The following GTF2E2 variants were observed in gnomAD, a reference collection of about 807,000 sequenced individuals.
The protein encoded by GTF2E2 is general transcription factor IIE subunit 2.
GTF2E2 carries 21 observed loss-of-function variants against 40.5 expected under a neutral mutation model. The ratio of observed to expected loss-of-function variants is 0.52; its 90% CI spans 0.37 to 0.75. The LOEUF (loss-of-function observed/expected upper bound fraction) is 0.75. Among genes scored for constraint, GTF2E2 ranks in the 30% least tolerant of loss-of-function variants. The pLI, the probability that GTF2E2 is intolerant of heterozygous loss-of-function variation, is 0.00. For missense variants in GTF2E2, 298 were observed against 338.4 expected (o/e 0.88, Z 0.94); for synonymous variants, 117 against 121.6 (o/e 0.96, Z 0.25).
chr8:30,625,603 C>T (rs1801248692), intron 3 of GTF2E2, among the ~76,000 whole-genome samples: 1 of 151,338 alleles, frequency 6.6e-6, no homozygotes, highest in Middle Eastern at 3.4e-3. Flanking sequence ...GCTGAGGGCA[C>T]TGTCTGTTGT....
chr8:30,653,792 C>T (rs975206670), intron 1 of GTF2E2, among the ~76,000 whole-genome samples, 190 bp from the exon 2 acceptor site: 1 of 152,190 alleles, frequency 6.6e-6, no homozygotes, highest in Admixed American at 6.6e-5. Context: ...ACGCCAAGCA[C>T]TGTACTAGCC....
intron 3 of GTF2E2, among the ~76,000 whole-genome samples, chr8:30,623,429 T>G (rs1187602783): frequency 6.6e-6 from 1 of 152,152 alleles, no homozygotes. Context: ...CCACATTTTC[T>G]TAATCCAGTC....
intron 2 of GTF2E2, among the ~76,000 whole-genome samples, chr8:30,652,691 GA>G (rs1386317712): frequency 1.3e-5 from 2 of 152,100 alleles, no homozygotes; most frequent in Non-Finnish European, 2.9e-5. Context: ...ATATGACCCA[GA>G]AATCTACTTC....
At chr8:30,580,634 G>C (rs1309207002) in intron 6 of GTF2E2, among the ~76,000 whole-genome samples, 3 of 152,144 alleles carry the variant, frequency 2.0e-5, no homozygotes, top group Non-Finnish European at 2.9e-5. Context: ...GCCAGCAAAT[G>C]AGGGCTGCCA....
chr8:30,600,629 G>A (rs1402733475), intron 6 of GTF2E2, among the ~76,000 whole-genome samples: 1 of 151,994 alleles, frequency 6.6e-6, no homozygotes, highest in Admixed American at 6.6e-5. Context: ...ATTAAAAAAA[G>A]ATAAAACCTA....
chr8:30,583,651 A>G (rs1217687834), intron 6 of GTF2E2, among the ~76,000 whole-genome samples: 1 of 152,144 alleles, frequency 6.6e-6, no homozygotes, highest in African/African-American at 2.4e-5. Flanking sequence ...AAGTACTGGG[A>G]TTACCAGCCT....
At chr8:30,614,421 A>G (rs1800851725) in intron 4 of GTF2E2, among the ~76,000 whole-genome samples, 187 bp downstream of exon 4, 1 of 152,180 alleles carries the variant, frequency 6.6e-6, no homozygotes, top group African/African-American at 2.4e-5. Flanking sequence ...CTCTACTAAA[A>G]ACACAAAAAT....
intron 2 of GTF2E2, among the ~76,000 whole-genome samples, chr8:30,642,903 G>T (rs1801901644): frequency 6.6e-6 from 1 of 152,126 alleles, no homozygotes; most frequent in Admixed American, 6.5e-5. Flanking sequence ...GAGGTAAGGG[G>T]ACCTGAAAAT....
At chr8:30,587,352 GC>G (rs1759482856) in intron 6 of GTF2E2, among the ~76,000 whole-genome samples, 1 of 152,004 alleles carries the variant, frequency 6.6e-6, no homozygotes, top group Non-Finnish European at 1.5e-5. Context: ...GGTGGAGGCT[GC>G]AGTTAGCTGA....
intron 6 of GTF2E2, among the ~76,000 whole-genome samples, chr8:30,587,712 A>G (rs1251014697): frequency 6.6e-6 from 1 of 151,964 alleles, no homozygotes; most frequent in Admixed American, 6.6e-5. Flanking sequence ...ATCTCTACTA[A>G]AAATACAAAC....
chr8:30,590,883 G>T (rs1264443259), intron 6 of GTF2E2, among the ~76,000 whole-genome samples: 1 of 151,618 alleles, frequency 6.6e-6, no homozygotes. Context: ...TAGAGACAGG[G>T]TTTTGCCATG....
rs564734214 is a variant in GTF2E2 at position 30,602,477 on chromosome 8, G to A, written c.643+4580C>T. Among the ~76,000 whole-genome samples the A allele has an allele frequency of 3.1e-4, 47 of 152,184 alleles. 1 individual carries two copies. The South Asian group carries it at 7.0e-3, about 23-fold the overall frequency. On this transcript the variant is annotated intron_variant, in intron 6 of 7. Coordinates refer to ENST00000355904, the MANE Select transcript of GTF2E2 (RefSeq NM_002095.6). ...TTAATTTCACAAAAGCAAAGATGAC[G>A]TTACAAATCATTTGTTATAAGAGTG...
chr8:30,590,228 T>C (rs1346250756), intron 6 of GTF2E2, among the ~76,000 whole-genome samples: 2 of 152,214 alleles, frequency 1.3e-5, no homozygotes, highest in Non-Finnish European at 2.9e-5. Context: ...TGAGGCACGA[T>C]GCCTCTGAGA....
chr8:30,650,416 G>A (rs1178069798), intron 2 of GTF2E2, among the ~76,000 whole-genome samples: 3 of 151,788 alleles, frequency 2.0e-5, no homozygotes, highest in African/African-American at 7.3e-5. Flanking sequence ...TCAGTCAGAT[G>A]CAGTAGCTTA....
At position 30,646,356 on chromosome 8, in the gene GTF2E2, C is replaced by A. The variant is rs112646595; in HGVS notation, c.166+7077G>T. Among the ~76,000 whole-genome samples, 504 of 152,156 alleles carry A rather than the reference C, an allele frequency of 3.3e-3. 3 individuals are homozygous for A. The highest frequency in any genetic ancestry group is 5.5e-3 in the Non-Finnish European group (372 of 67,986). On this transcript the variant is annotated intron_variant, in intron 2 of 7. Coordinates refer to ENST00000355904, the MANE Select transcript of GTF2E2 (RefSeq NM_002095.6). Reference sequence around the variant, plus strand: ...CAAGGCAGAAAGACTGCCCCTCCCCCCATCCCCCCAAAAAAGGTCAAAAGA... The same window carrying A: ...CAAGGCAGAAAGACTGCCCCTCCCCACATCCCCCCAAAAAAGGTCAAAAGA...
chr8:30,624,829 G>C (rs1181220836), intron 3 of GTF2E2, among the ~76,000 whole-genome samples: 1 of 152,098 alleles, frequency 6.6e-6, no homozygotes, highest in Non-Finnish European at 1.5e-5. Flanking sequence ...TGGTGTGTAA[G>C]AATGCTTGTG....
chr8:30,579,636 C>T (rs1475772330), intron 7 of GTF2E2, among the ~76,000 whole-genome samples: 2 of 152,128 alleles, frequency 1.3e-5, no homozygotes, highest in Non-Finnish European at 2.9e-5. Context: ...CAGAAAGACA[C>T]AGGTGACAAG....
chr8:30,647,573 C>G (rs1802138493), intron 2 of GTF2E2, among the ~76,000 whole-genome samples: 1 of 152,202 alleles, frequency 6.6e-6, no homozygotes, highest in African/African-American at 2.4e-5. Flanking sequence ...AAGAGTGAAA[C>G]TCCGTCTCAA....
intron 6 of GTF2E2, among the ~76,000 whole-genome samples, chr8:30,594,591 C>T (rs1306446016): frequency 1.3e-5 from 2 of 150,282 alleles, no homozygotes; most frequent in Admixed American, 1.3e-4. Flanking sequence ...GGCACGGTGG[C>T]TCATGCCTAT....
Sources: allele counts gnomAD v4.1 joint callset (sites outside exome capture counted in the v4.1 genomes callset), GRCh38; gene constraint gnomAD v4.1.1; transcripts MANE v1.5; gene names NCBI Gene and HGNC (gene_info 2026-07-23, HGNC 2026-07-21).